PTPRD: variants seen among roughly 807,000 people sequenced by gnomAD.
PTPRD encodes receptor-type tyrosine-protein phosphatase delta.
A neutral mutation model predicts 214.5 loss-of-function variants in PTPRD; 34 were observed. The observed-to-expected ratio is 0.16, with a 90% confidence interval of 0.12 to 0.21. PTPRD has a LOEUF of 0.21. Among genes scored for constraint, PTPRD ranks in the 10% least tolerant of loss-of-function variants. The probability of loss-of-function intolerance (pLI) is 1.00; values close to 1 mark genes in which losing one functional copy is unlikely to be tolerated. For synonymous variants in PTPRD, 1,128 were observed against 845.7 expected (o/e 1.33, Z -5.79); for missense variants, 2,545 against 2,398.7 (o/e 1.06, Z -1.27).
intron 10 of PTPRD, among the ~76,000 whole-genome samples, chr9:9,032,787 G>A (rs1381202611): frequency 6.6e-6 from 1 of 152,054 alleles, no homozygotes; most frequent in African/African-American, 2.4e-5. Flanking sequence ...TCAAGTTCCT[G>A]CAAATAGAGC....
At chr9:10,576,447 T>C (rs566688883) in intron 2 of PTPRD, among the ~76,000 whole-genome samples, 1 of 152,248 alleles carries the variant, frequency 6.6e-6, no homozygotes, top group African/African-American at 2.4e-5. Flanking sequence ...AACCAATACA[T>C]GATTTTTGGG....
intron 11 of PTPRD, among the ~76,000 whole-genome samples, chr9:8,932,860 G>C (rs4260942): frequency 0.45 from 67,808 of 150,396 alleles, 15,764 homozygotes; most frequent in Middle Eastern, 0.53. Flanking sequence ...GGCTTCCGTC[G>C]CCTTTCCAGG....
chr9:8,522,737 A>C (rs1004901849), intron 19 of PTPRD, among the ~76,000 whole-genome samples: 1 of 152,194 alleles, frequency 6.6e-6, no homozygotes, highest in Non-Finnish European at 1.5e-5. Context: ...GTGAAAGATA[A>C]ATTGGTTTCA....
intron 3 of PTPRD, among the ~76,000 whole-genome samples, chr9:10,051,806 T>A (rs934285225): frequency 2.6e-5 from 4 of 152,202 alleles, no homozygotes; most frequent in African/African-American, 9.7e-5. Context: ...ACTCTTCTCT[T>A]TCAAATATGG....
intron 11 of PTPRD, among the ~76,000 whole-genome samples, chr9:8,749,770 A>G (rs1171755351): frequency 6.6e-6 from 1 of 152,158 alleles, no homozygotes; most frequent in African/African-American, 2.4e-5. Context: ...ATACCAGGCA[A>G]GGTGATAGGG....
At chr9:10,402,525 C>T (rs1224524276) in intron 2 of PTPRD, among the ~76,000 whole-genome samples, 1 of 151,638 alleles carries the variant, frequency 6.6e-6, no homozygotes, top group Admixed American at 6.6e-5. Flanking sequence ...TGAAAAACAT[C>T]TTGTGGTAAA....
intron 3 of PTPRD, among the ~76,000 whole-genome samples, chr9:10,221,581 T>C (rs957570459): frequency 1.3e-5 from 2 of 152,034 alleles, no homozygotes; most frequent in Non-Finnish European, 2.9e-5. Flanking sequence ...AATGCATTTA[T>C]TTTTATGAAT....
chr9:9,920,197 T>A (rs2082163759), intron 5 of PTPRD, among the ~76,000 whole-genome samples: 1 of 152,112 alleles, frequency 6.6e-6, no homozygotes, highest in Non-Finnish European at 1.5e-5. Flanking sequence ...TGTGCAAACG[T>A]TGAAGGATAT....
At chr9:9,487,472 T>G (rs2095699305) in intron 8 of PTPRD, among the ~76,000 whole-genome samples, 1 of 152,182 alleles carries the variant, frequency 6.6e-6, no homozygotes, top group South Asian at 2.1e-4. Context: ...GTTGGATATT[T>G]GGGTCGGTTC....
At chr9:10,219,244 T>C (rs572462106) in intron 3 of PTPRD, among the ~76,000 whole-genome samples, 35 of 151,976 alleles carry the variant, frequency 2.3e-4, no homozygotes, top group Non-Finnish European at 4.3e-4. Context: ...GGTTTATAGT[T>C]AAGGTAATTG....
chr9:8,747,672 C>T (rs1368932984), intron 11 of PTPRD, among the ~76,000 whole-genome samples: 3 of 152,106 alleles, frequency 2.0e-5, no homozygotes, highest in African/African-American at 7.2e-5. Context: ...ACGTAGTTTC[C>T]TCCCCTCAGG....
At chr9:10,347,112 C>T (rs903414630) in intron 2 of PTPRD, among the ~76,000 whole-genome samples, 11 of 152,116 alleles carry the variant, frequency 7.2e-5, no homozygotes, top group African/African-American at 2.7e-4. Context: ...TCTCATCAGC[C>T]CAGATCTCCA....
chr9:9,993,186 G>C (rs540590247), intron 4 of PTPRD, among the ~76,000 whole-genome samples: 2 of 152,194 alleles, frequency 1.3e-5, no homozygotes, highest in South Asian at 2.1e-4. Flanking sequence ...TATTCTCCTG[G>C]TGGGAGTATA....
chr9:9,727,877 G>C (rs547331374), intron 7 of PTPRD, among the ~76,000 whole-genome samples: 2 of 152,244 alleles, frequency 1.3e-5, no homozygotes, highest in South Asian at 4.1e-4. Context: ...CTTACACATT[G>C]AATAAACTTT....
intron 2 of PTPRD, among the ~76,000 whole-genome samples, chr9:10,425,557 C>A (rs1467485498): frequency 6.6e-6 from 1 of 151,910 alleles, no homozygotes; most frequent in African/African-American, 2.4e-5. Context: ...ACATAAGAGT[C>A]CATAATATCA....
At chr9:10,518,287 G>A (rs950041309) in intron 2 of PTPRD, among the ~76,000 whole-genome samples, 6 of 152,090 alleles carry the variant, frequency 3.9e-5, no homozygotes, top group African/African-American at 1.4e-4. Context: ...CATTAGGGAA[G>A]CTGAAGAGCC....
At chr9:10,018,941 C>T (rs2096785716) in intron 4 of PTPRD, among the ~76,000 whole-genome samples, 1 of 152,128 alleles carries the variant, frequency 6.6e-6, no homozygotes, top group Non-Finnish European at 1.5e-5. Flanking sequence ...TCTAATTAAA[C>T]TAAAGAGCTT....
intron 3 of PTPRD, among the ~76,000 whole-genome samples, chr9:10,336,284 G>C (rs558302023): frequency 6.6e-6 from 1 of 151,732 alleles, no homozygotes; most frequent in South Asian, 2.1e-4. Flanking sequence ...ACTTACCTGA[G>C]ATTCAGAAAG....
chr9:10,377,070 C>T (rs367705876), intron 2 of PTPRD, among the ~76,000 whole-genome samples: 11 of 151,958 alleles, frequency 7.2e-5, no homozygotes, highest in African/African-American at 2.4e-4. Context: ...CCTTTCCAGC[C>T]GCTGGTAACC....
Sources: allele counts gnomAD v4.1 joint callset (sites outside exome capture counted in the v4.1 genomes callset), GRCh38; gene constraint gnomAD v4.1.1; transcripts MANE v1.5; gene names NCBI Gene and HGNC (gene_info 2026-07-23, HGNC 2026-07-21).